Variants in STIM2 observed in about 807,000 individuals in gnomAD.
STIM2 encodes stromal interaction molecule 2.
A neutral mutation model predicts 85.8 loss-of-function variants in STIM2; 31 were observed. That is an observed-to-expected ratio of 0.36 (90% CI 0.27 to 0.49). The LOEUF (loss-of-function observed/expected upper bound fraction) is 0.49. STIM2 is among the 20% of genes least tolerant of loss of function. STIM2 has a pLI of 0.98. For missense variants in STIM2, 841 were observed against 927.6 expected (o/e 0.91, Z 1.21); for synonymous variants, 356 against 331.1 (o/e 1.08, Z -0.82).
At chr4:26,959,786 C>T (rs1250187549) in intron 3 of STIM2, among the ~76,000 whole-genome samples, 1 of 151,602 alleles carries the variant, frequency 6.6e-6, no homozygotes, top group Non-Finnish European at 1.5e-5. Flanking sequence ...AGGCTTTCAC[C>T]TTAATCTGAG....
intron 5 of STIM2, among the ~76,000 whole-genome samples, chr4:27,001,057 G>T (rs769731684): frequency 6.6e-6 from 1 of 152,162 alleles, no homozygotes; most frequent in South Asian, 2.1e-4. Flanking sequence ...GGAGAACTGA[G>T]AGTCTCTGAC....
intron 2 of STIM2, among the ~76,000 whole-genome samples, chr4:26,949,682 C>T (rs910875075): frequency 2.6e-5 from 4 of 152,104 alleles, no homozygotes; most frequent in African/African-American, 9.7e-5. Context: ...ACTTCAGGGT[C>T]TTTATGGTTG....
At chr4:27,004,872 G>A (rs186635632) in intron 7 of STIM2, among the ~76,000 whole-genome samples, 1 of 152,290 alleles carries the variant, frequency 6.6e-6, no homozygotes, top group Admixed American at 6.5e-5. Flanking sequence ...TGCCAGAAGT[G>A]TATGCTACAC....
At chr4:26,907,438 C>CT (rs1010468309) in intron 1 of STIM2, among the ~76,000 whole-genome samples, 1 of 152,072 alleles carries the variant, frequency 6.6e-6, no homozygotes, top group African/African-American at 2.4e-5. Context: ...TACGTGAAGG[C>CT]TTTTTGCAGG....
In STIM2 at chr4:27,008,897, C is replaced by G; in HGVS notation, c.1384C>G (p.His462Asp). ...CCTGACCTCTTCCCTTTATTCTGATCACAGCTGGGTGGTGATGCCCAGAGT... is the reference window on the plus strand; with the variant it reads ...CCTGACCTCTTCCCTTTATTCTGATGACAGCTGGGTGGTGATGCCCAGAGT... The change falls in exon 10 of 12, where the codon CAC (histidine) becomes GAC (aspartate). Residue 462 changes from histidine (H) to aspartate (D), a missense_variant. Around this residue, in one of 3 missense-constraint regions of STIM2, gnomAD observed 408 missense variants for 525.4 expected, o/e 0.78. Transcript: ENST00000467087. The G allele has an allele frequency of 6.2e-7, 1 of 1,614,154 alleles. No homozygotes were observed. The highest frequency in any genetic ancestry group is 8.5e-7 in the Non-Finnish European group (1 of 1,180,026).
At chr4:26,864,786 A>G (rs1722335730) in intron 1 of STIM2, among the ~76,000 whole-genome samples, 2 of 152,176 alleles carry the variant, frequency 1.3e-5, no homozygotes, top group African/African-American at 4.8e-5. Flanking sequence ...ATATAATAGC[A>G]TTTAGAATGG....
Position 26,860,978 on chromosome 4 carries a change from A to G in STIM2, c.-241A>G, listed in dbSNP as rs1192463530. 2.4e-6 allele frequency: 3 copies of G among 1,266,862 alleles called. No homozygotes were observed. Among genetic ancestry groups the G allele is most frequent in the Non-Finnish European group, 3.0e-6 (3 of 996,160 alleles). 78.5% of individuals were successfully genotyped at this position (1,266,862 alleles called of 1,614,324 possible). On this transcript the variant is annotated 5_prime_UTR_variant, in exon 1 of 12. Coordinates refer to ENST00000467087, the MANE Select transcript of STIM2 (RefSeq NM_020860.4). ...AACCAATGAACGCAGCCGGGATCAG[A>G]GCTCCGGAGGCCGCCGGTGCCGATG... is the stretch of plus-strand genomic sequence containing the variant.
intron 1 of STIM2, 29 bp downstream of exon 1, chr4:26,861,398 C>T: frequency 7.8e-7 from 1 of 1,284,026 alleles, no homozygotes; most frequent in Non-Finnish European, 9.8e-7. Context: ...GCGGGCGGGG[C>T]TCGGCCGGCA....
intron 2 of STIM2, among the ~76,000 whole-genome samples, chr4:26,927,920 G>C (rs975182711): frequency 6.8e-6 from 1 of 146,708 alleles, no homozygotes; most frequent in African/African-American, 2.5e-5. Flanking sequence ...TCTTAGTCTG[G>C]TGCTGCTATA....
intron 2 of STIM2, among the ~76,000 whole-genome samples, chr4:26,952,871 T>G (rs530961868): frequency 6.6e-6 from 1 of 152,166 alleles, no homozygotes; most frequent in African/African-American, 2.4e-5. Flanking sequence ...TTTAAATAGC[T>G]ATATGAAATA....
chr4:26,861,534 C>A (rs1198225245), intron 1 of STIM2, 165 bp downstream of exon 1: 2 of 1,102,682 alleles, frequency 1.8e-6, no homozygotes, highest in Admixed American at 4.4e-5. Context: ...GCACTCCGGA[C>A]GTCTTTCCTT....
chr4:26,941,389 C>T (rs968149501), intron 2 of STIM2, among the ~76,000 whole-genome samples: 5 of 152,180 alleles, frequency 3.3e-5, no homozygotes, highest in Admixed American at 6.6e-5. Context: ...TAGCTTGACC[C>T]GTATTTCCAT....
chr4:27,000,077 A>G (rs988492009), intron 5 of STIM2, among the ~76,000 whole-genome samples: 1 of 151,998 alleles, frequency 6.6e-6, no homozygotes, highest in African/African-American at 2.4e-5. Context: ...TCAAAAAAGT[A>G]TAACAAAATT....
At position 27,024,248 on chromosome 4, in the gene STIM2, G is replaced by A. The variant is rs1432134543; in HGVS notation, c.*1252G>A. On this transcript the variant is annotated 3_prime_UTR_variant, in exon 12 of 12. Coordinates refer to ENST00000467087, the MANE Select transcript of STIM2 (RefSeq NM_020860.4). ...TAAATTGGTGGGTTGTATAAGGGTA[G>A]CTTTTGTTGTTAAAAAAACAGTAGA... The A allele has an allele frequency of 2.0e-5, 3 of 152,060 alleles. No individual in the cohort carries two copies. Among genetic ancestry groups the A allele is most frequent in the African/African-American group, 7.3e-5 (3 of 41,370 alleles). The allele number at this position is 152,060 out of a possible 1,614,324, so 9.4% of individuals were successfully genotyped here.
At chr4:26,891,562 C>T (rs1026492121) in intron 1 of STIM2, among the ~76,000 whole-genome samples, 1,236 of 34,688 alleles carry the variant, frequency 0.036, 2 homozygotes, top group Middle Eastern at 0.097. Flanking sequence ...CATACATACA[C>T]ACACACACAC....
intron 2 of STIM2, among the ~76,000 whole-genome samples, chr4:26,949,184 T>C (rs1337944389): frequency 6.6e-6 from 1 of 152,332 alleles, no homozygotes; most frequent in East Asian, 1.9e-4. Context: ...CATTATATTT[T>C]GGGTTTTATT....
intron 1 of STIM2, among the ~76,000 whole-genome samples, chr4:26,872,528 T>C (rs1410513210): frequency 6.6e-6 from 1 of 152,188 alleles, no homozygotes; most frequent in Non-Finnish European, 1.5e-5. Flanking sequence ...CATCAAAATT[T>C]TGTTTTTTAC....
chr4:26,878,885 C>A (rs1722903589), intron 1 of STIM2, among the ~76,000 whole-genome samples: 1 of 152,056 alleles, frequency 6.6e-6, no homozygotes, highest in Admixed American at 6.6e-5. Flanking sequence ...ATGAGAACTC[C>A]CTCACTATCA....
At chr4:27,020,351 A>C (rs1387216744) in intron 11 of STIM2, among the ~76,000 whole-genome samples, 2 of 152,238 alleles carry the variant, frequency 1.3e-5, no homozygotes, top group Non-Finnish European at 2.9e-5. Context: ...ATTCCAAAAA[A>C]GGCTTTGCAG....
Sources: allele counts gnomAD v4.1 joint callset (sites outside exome capture counted in the v4.1 genomes callset), GRCh38; gene constraint gnomAD v4.1.1; regional missense constraint gnomAD v4.1.1; transcripts MANE v1.5; gene names NCBI Gene and HGNC (gene_info 2026-07-23, HGNC 2026-07-21).